Variants in CDC42SE2 observed in about 807,000 individuals in gnomAD.
CDC42SE2 encodes the protein CDC42 small effector protein 2.
In CDC42SE2, 3 loss-of-function variants were observed where a neutral mutation model predicts 11.5. That is an observed-to-expected ratio of 0.26 (90% CI 0.12 to 0.67). The LOEUF (loss-of-function observed/expected upper bound fraction) is 0.67, where lower values mean the gene tolerates loss of function less well. Among genes scored for constraint, CDC42SE2 ranks in the 30% least tolerant of loss-of-function variants. The pLI, the probability that CDC42SE2 is intolerant of heterozygous loss-of-function variation, is 0.80. For synonymous variants in CDC42SE2, 33 were observed against 34.8 expected, an observed-to-expected ratio of 0.95 and a Z score of 0.18; for missense variants, 82 against 106.8, an observed-to-expected ratio of 0.77 and a Z score of 1.02.
intron 1 of CDC42SE2, among the ~76,000 whole-genome samples, chr5:131,309,327 G>C (rs1757848339): frequency 6.6e-6 from 1 of 151,640 alleles, no homozygotes; most frequent in Non-Finnish European, 1.5e-5. Flanking sequence ...GCTTTTTGAT[G>C]TGCTGCTGGA....
chr5:131,283,480 G>A (rs1328230100), intron 1 of CDC42SE2, among the ~76,000 whole-genome samples: 1 of 151,628 alleles, frequency 6.6e-6, no homozygotes, highest in Non-Finnish European at 1.5e-5. Context: ...CATATAGCAT[G>A]TATCAGTACA....
At chr5:131,299,154 G>A (rs1388797777) in intron 1 of CDC42SE2, among the ~76,000 whole-genome samples, 1 of 152,120 alleles carries the variant, frequency 6.6e-6, no homozygotes, top group Non-Finnish European at 1.5e-5. Flanking sequence ...GGGACCAAAT[G>A]GTAAAGGCCC....
intron 2 of CDC42SE2, among the ~76,000 whole-genome samples, chr5:131,342,386 G>GTTTTTTTTTTTTTTTT (rs1304028910): frequency 2.6e-5 from 3 of 114,850 alleles, no homozygotes; most frequent in African/African-American, 1.2e-4. Context: ...ATTTTTAATA[G>GTTTTTTTTTTTTTTTT]TCTTTTTTTT....
chr5:131,334,090 G>A (rs996588506), intron 2 of CDC42SE2, among the ~76,000 whole-genome samples: 4 of 152,162 alleles, frequency 2.6e-5, no homozygotes, highest in African/African-American at 9.6e-5. Flanking sequence ...GTATGATATT[G>A]GCTGTGGGTT....
intron 3 of CDC42SE2, among the ~76,000 whole-genome samples, chr5:131,376,776 A>G (rs1351991388): frequency 6.6e-6 from 1 of 152,176 alleles, no homozygotes; most frequent in Non-Finnish European, 1.5e-5. Context: ...TCTGCTTAGG[A>G]TGATGGCCTC....
At chr5:131,335,549 C>G (rs1580761611) in intron 2 of CDC42SE2, among the ~76,000 whole-genome samples, 3 of 152,116 alleles carry the variant, frequency 2.0e-5, no homozygotes, top group Admixed American at 6.6e-5. Flanking sequence ...ATTGATCTGT[C>G]TAATGTTGAC....
intron 2 of CDC42SE2, among the ~76,000 whole-genome samples, chr5:131,333,674 G>A (rs1242762773): frequency 6.6e-6 from 1 of 151,330 alleles, no homozygotes; most frequent in African/African-American, 2.4e-5. Context: ...CCTTGAAGAG[G>A]TCCTTCACAT....
At chr5:131,215,468 A>G in the CDC42SE2 span, among the ~76,000 whole-genome samples, 1 of 152,190 alleles carries the variant, frequency 6.6e-6, no homozygotes. Context: ...CAGTCTAGGG[A>G]TGCCCTTCAC....
intron 2 of CDC42SE2, among the ~76,000 whole-genome samples, chr5:131,330,398 C>T (rs1274224743): frequency 1.3e-5 from 2 of 151,758 alleles, no homozygotes; most frequent in Non-Finnish European, 2.9e-5. Context: ...TTTTTCTGTT[C>T]CTGATTGTTG....
chr5:131,345,564 G>C (rs2149756994), intron 2 of CDC42SE2, among the ~76,000 whole-genome samples: 1 of 152,252 alleles, frequency 6.6e-6, no homozygotes. Context: ...AACCAAGCTG[G>C]AAAACACTCT....
intron 1 of CDC42SE2, among the ~76,000 whole-genome samples, chr5:131,253,695 G>A (rs1321885530): frequency 1.3e-5 from 2 of 152,174 alleles, no homozygotes; most frequent in African/African-American, 4.8e-5. Context: ...AACCCAGGAG[G>A]CGGAGGTTGT....
chr5:131,313,149 A>AT (rs1324186408), intron 1 of CDC42SE2, among the ~76,000 whole-genome samples: 2 of 151,598 alleles, frequency 1.3e-5, no homozygotes, highest in Non-Finnish European at 2.9e-5. Context: ...CGCCCGGCTG[A>AT]TTTTTTGTAT....
intron 3 of CDC42SE2, among the ~76,000 whole-genome samples, chr5:131,378,774 C>G (rs1299702563): frequency 6.6e-6 from 1 of 152,148 alleles, no homozygotes; most frequent in Non-Finnish European, 1.5e-5. Context: ...GACTGAACAC[C>G]ACCACCTTCT....
chr5:131,347,805 T>A (rs1758889192), intron 2 of CDC42SE2, among the ~76,000 whole-genome samples: 1 of 152,172 alleles, frequency 6.6e-6, no homozygotes, highest in Non-Finnish European at 1.5e-5. Context: ...TGTACCACGA[T>A]CAAGTGGGCT....
chr5:131,288,464 C>T (rs1757386254), intron 1 of CDC42SE2, among the ~76,000 whole-genome samples: 1 of 152,054 alleles, frequency 6.6e-6, no homozygotes, highest in African/African-American at 2.4e-5. Context: ...CATTAAAAAG[C>T]CATATGCTAA....
chr5:131,334,324 A>G (rs747587068), intron 2 of CDC42SE2, among the ~76,000 whole-genome samples: 5 of 152,170 alleles, frequency 3.3e-5, no homozygotes, highest in Non-Finnish European at 4.4e-5. Context: ...CCACTTGATC[A>G]TGGTTGATAA....
intron 1 of CDC42SE2, among the ~76,000 whole-genome samples, chr5:131,290,359 T>C (rs1036873168): frequency 2.6e-5 from 4 of 152,190 alleles, no homozygotes; most frequent in Non-Finnish European, 5.9e-5. Flanking sequence ...GAACAGCTTA[T>C]CTTCTGCCTT....
rs531538214 is a variant in CDC42SE2, at chr5:131,310,412, A to C, written c.-454-5564A>C. Among the ~76,000 whole-genome samples, 30 of 151,904 alleles carry C rather than the reference A, an allele frequency of 2.0e-4. No individual in the cohort carries two copies. The South Asian group carries it at 6.3e-3, about 32-fold the overall frequency. Reference sequence around the variant, plus strand: ...TAGGTGTGGTGTGGTGCTGAAAAAAATGTATATTCTGTTGATTTGGGGTGG... The same window carrying C: ...TAGGTGTGGTGTGGTGCTGAAAAAACTGTATATTCTGTTGATTTGGGGTGG... On this transcript the variant is annotated intron_variant, in intron 1 of 4. Transcript: ENST00000505065.
the CDC42SE2 span, among the ~76,000 whole-genome samples, chr5:131,213,817 T>C: frequency 6.6e-6 from 1 of 152,224 alleles, no homozygotes; most frequent in Non-Finnish European, 1.5e-5. Context: ...ATTGTTAATA[T>C]CTCTAGTCTT....
Sources: gnomAD v4.1 joint callset for allele counts (sites outside exome capture counted in the v4.1 genomes callset) on GRCh38, gnomAD v4.1.1 for gene constraint, MANE v1.5 for transcripts, NCBI Gene and HGNC (gene_info 2026-07-23, HGNC 2026-07-21) for gene names.